SAXO2: variants seen among roughly 807,000 people sequenced by gnomAD.
SAXO2 encodes family with sequence similarity 154, member B.
In SAXO2, 17 loss-of-function variants were observed where a neutral mutation model predicts 18.7. The observed-to-expected ratio is 0.91, with a 90% CI of 0.62 to 1.36. SAXO2 has a LOEUF of 1.36. SAXO2 is among the 40% of genes most tolerant of loss of function. The probability of loss-of-function intolerance (pLI) is 0.00; values close to 1 mark genes in which losing one functional copy is unlikely to be tolerated. For synonymous variants in SAXO2, 163 were observed against 181.2 expected, an observed-to-expected ratio of 0.90 and a Z score of 0.81; for missense variants, 486 against 562.6, an observed-to-expected ratio of 0.86 and a Z score of 1.38.
chr15:82,267,135 G>T (rs978869855), intron 2 of SAXO2, among the ~76,000 whole-genome samples: 1 of 152,190 alleles, frequency 6.6e-6, no homozygotes, highest in Non-Finnish European at 1.5e-5. Context: ...AAGGTTGAGG[G>T]TGCATGCCAG....
intron 2 of SAXO2, among the ~76,000 whole-genome samples, chr15:82,271,062 A>G (rs1012853828): frequency 6.6e-6 from 1 of 152,222 alleles, no homozygotes; most frequent in African/African-American, 2.4e-5. Flanking sequence ...AAAGATTAGG[A>G]ACACTCAAAT....
chr15:82,267,608 G>A (rs1383335539), intron 2 of SAXO2, among the ~76,000 whole-genome samples: 1 of 152,106 alleles, frequency 6.6e-6, no homozygotes, highest in Non-Finnish European at 1.5e-5. Flanking sequence ...AGATTTTGGT[G>A]TTAGTTATTT....
Position 82,282,476 on chromosome 15 carries a change from C to A in SAXO2, c.791C>A (p.Thr264Asn). The change falls in exon 4 of 4, where the codon ACC becomes AAC. Residue 264 changes from threonine (T) to asparagine (N), a missense_variant. Thr to Asn is a moderately conservative substitution (Grantham distance 65). Coordinates refer to ENST00000682753, the MANE Select transcript of SAXO2 (RefSeq NM_001348699.2). ...GCAAAACTCTGCAGACCTGTACACA[C>A]CAGAGTGACCCAGAATGCTCTGTTT... is the stretch of plus-strand genomic sequence containing the variant. The part of the protein sequence containing the change: ...ETAKLCRPVH[T>N]RVTQNALFEG... 6.2e-7 allele frequency: 1 copy of A among 1,614,162 alleles called. No individual in the cohort carries two copies. The highest frequency in any genetic ancestry group is 8.5e-7 in the Non-Finnish European group (1 of 1,180,026).
chr15:82,273,863 G>C (rs1336095184), intron 3 of SAXO2, among the ~76,000 whole-genome samples: 7 of 151,888 alleles, frequency 4.6e-5, no homozygotes, highest in Admixed American at 4.6e-4. Flanking sequence ...TCAGCCTCCT[G>C]AGTAGCTAGG....
intron 3 of SAXO2, among the ~76,000 whole-genome samples, chr15:82,279,393 G>T (rs1432612024): frequency 1.3e-5 from 2 of 152,170 alleles, no homozygotes; most frequent in Non-Finnish European, 2.9e-5. Flanking sequence ...CAATTAAACA[G>T]AACCTTAGCC....
chr15:82,271,338 G>A (rs894955730), intron 2 of SAXO2, among the ~76,000 whole-genome samples: 9 of 152,100 alleles, frequency 5.9e-5, no homozygotes, highest in Non-Finnish European at 8.8e-5. Flanking sequence ...CTGAAGATCC[G>A]ATTAACTGAG....
rs1299080795 is a variant in SAXO2, at chr15:82,271,833, A to G, written c.433+31A>G. On this transcript the variant is annotated intron_variant, in intron 3 of 3. Coordinates refer to ENST00000682753, the MANE Select transcript of SAXO2 (RefSeq NM_001348699.2). ...TTGCTGTTTCATACATGAAGGAGCCAAAAAACTAAAACTCACTTCCAGCTT... is the reference window on the plus strand; with the variant it reads ...TTGCTGTTTCATACATGAAGGAGCCGAAAAACTAAAACTCACTTCCAGCTT... 13 of 1,566,692 alleles carry G rather than the reference A, an allele frequency of 8.3e-6. No homozygotes were observed. In the African/African-American group the frequency reaches 1.6e-4, roughly 20 times the overall value.
intron 1 of SAXO2, chr15:82,263,568 TAAGTA>T: frequency 1.6e-6 from 1 of 608,576 alleles, no homozygotes; most frequent in East Asian, 2.8e-5. Context: ...CATTATTTGC[TAAGTA>T]AATATGAACG....
At chr15:82,280,243 C>T (rs1386120394) in intron 3 of SAXO2, among the ~76,000 whole-genome samples, 1 of 152,004 alleles carries the variant, frequency 6.6e-6, no homozygotes, top group Non-Finnish European at 1.5e-5. Flanking sequence ...ACATCCATCT[C>T]TCAGTGTCCA....
At position 82,283,109 on chromosome 15, in the gene SAXO2, T is replaced by C. The variant is rs758586388; in HGVS notation, c.*47T>C. The C allele has an allele frequency of 1.5e-5, 20 of 1,299,010 alleles. No homozygotes were observed. The highest frequency in any genetic ancestry group is 1.9e-5 in the Non-Finnish European group (19 of 1,000,414). 80.5% of individuals were successfully genotyped at this position (1,299,010 alleles called of 1,614,324 possible). A position where few individuals can be genotyped will look rare whatever the true frequency, so the allele number is the denominator to read the frequency against. ...GAAGGTACTAGCAAGTTGTTGTTTT[T>C]CCAAGAGAAAACTCAATTTTTATAG... On this transcript the variant is annotated 3_prime_UTR_variant, in exon 4 of 4. Coordinates refer to ENST00000682753, the MANE Select transcript of SAXO2 (RefSeq NM_001348699.2).
chr15:82,280,629 C>T (rs980420078), intron 3 of SAXO2, among the ~76,000 whole-genome samples: 7 of 152,190 alleles, frequency 4.6e-5, no homozygotes, highest in African/African-American at 1.7e-4. Flanking sequence ...AGCATCTTCA[C>T]TTCCCTTCAC....
chr15:82,270,340 A>T (rs552124705), intron 2 of SAXO2, among the ~76,000 whole-genome samples: 1 of 152,324 alleles, frequency 6.6e-6, no homozygotes, highest in African/African-American at 2.4e-5. Context: ...AAAGTTTCCT[A>T]GAAACAGACA....
intron 1 of SAXO2, chr15:82,263,430 GAA>G: frequency 1.4e-6 from 1 of 705,780 alleles, no homozygotes. Context: ...CCGCCTGACT[GAA>G]AAGTCAGTAA....
intron 2 of SAXO2, among the ~76,000 whole-genome samples, chr15:82,267,055 A>G (rs1287108806): frequency 6.6e-6 from 1 of 152,216 alleles, no homozygotes; most frequent in African/African-American, 2.4e-5. Context: ...TGTTAAGTAT[A>G]AAAATGTCAA....
intron 2 of SAXO2, among the ~76,000 whole-genome samples, chr15:82,268,481 A>C (rs2075240380): frequency 6.6e-6 from 1 of 152,216 alleles, no homozygotes; most frequent in African/African-American, 2.4e-5. Flanking sequence ...AAGACATCGG[A>C]TCTTTTCTTT....
chr15:82,264,525 A>T (rs2075192977), intron 1 of SAXO2: 1 of 615,672 alleles, frequency 1.6e-6, no homozygotes. Context: ...TATATGATAT[A>T]TTGGTCAAGG....
rs147702604 is a variant in SAXO2 at position 82,282,271 on chromosome 15, T to C, written c.586T>C (p.Ser196Pro). 197 of 1,614,086 alleles carry C rather than the reference T, an allele frequency of 1.2e-4. No homozygotes were observed. The highest frequency in any genetic ancestry group is 1.5e-4 in the Non-Finnish European group (181 of 1,180,048). Residue 196 changes from serine to proline, a missense_variant, in exon 4 of 4, where the codon TCT becomes CCT. Physicochemically the swap from Ser to Pro is moderately conservative, Grantham distance 74. Transcript: ENST00000682753. ...IKPRQSFKPS[S>P]VVKRSTAPFN... Reference sequence around the variant, plus strand: ...GCCTAGGCAAAGCTTTAAACCCTCCTCTGTGGTCAAACGTTCTACAGCCCC... The same window carrying C: ...GCCTAGGCAAAGCTTTAAACCCTCCCCTGTGGTCAAACGTTCTACAGCCCC...
intron 2 of SAXO2, among the ~76,000 whole-genome samples, chr15:82,268,870 T>C (rs1381021978): frequency 6.6e-6 from 1 of 152,238 alleles, no homozygotes; most frequent in Non-Finnish European, 1.5e-5. Context: ...TTTGGAGGCA[T>C]ACTTTCTGAC....
chr15:82,265,546 C>T (rs1339050078), intron 1 of SAXO2, 23 bp from the exon 2 acceptor site: 2 of 1,301,872 alleles, frequency 1.5e-6, no homozygotes, highest in African/African-American at 1.5e-5. Context: ...TAAGGTTAAT[C>T]TTTCAGTTTA....
Sources: allele counts gnomAD v4.1 joint callset (sites outside exome capture counted in the v4.1 genomes callset), GRCh38; gene constraint gnomAD v4.1.1; transcripts MANE v1.5; gene names NCBI Gene and HGNC (gene_info 2026-07-23, HGNC 2026-07-21).